Variants in TENM2 observed in about 807,000 individuals in gnomAD.
TENM2 encodes teneurin-2.
Under a neutral mutation model 245.2 loss-of-function variants are expected in TENM2, and 52 were observed. That is an observed-to-expected ratio of 0.21 (90% CI 0.17 to 0.27). The LOEUF is 0.27. Among genes scored for constraint, TENM2 ranks in the 10% least tolerant of loss-of-function variants. TENM2 has a pLI of 1.00. For missense variants in TENM2, 3,046 were observed against 3,666.8 expected (o/e 0.83, Z 4.37); for synonymous variants, 1,363 against 1,438.9 (o/e 0.95, Z 1.19).
intron 5 of TENM2, among the ~76,000 whole-genome samples, chr5:168,012,039 G>A (rs967552241): frequency 2.6e-4 from 40 of 152,284 alleles, no homozygotes; most frequent in Admixed American, 2.0e-4. Context: ...CAAAGCTCAC[G>A]TTCTCACCAC....
chr5:167,134,343 C>T, the TENM2 span, among the ~76,000 whole-genome samples: 2 of 152,128 alleles, frequency 1.3e-5, no homozygotes, highest in African/African-American at 4.8e-5. Flanking sequence ...TCACTTTATA[C>T]AATGAATTTT....
At chr5:167,878,438 TA>T (rs1472816574) in intron 3 of TENM2, among the ~76,000 whole-genome samples, 2 of 152,118 alleles carry the variant, frequency 1.3e-5, no homozygotes, top group East Asian at 3.9e-4. Flanking sequence ...AATTGTGCAA[TA>T]CCCTTGTTTT....
chr5:167,532,519 C>T (rs1006186763), intron 2 of TENM2, among the ~76,000 whole-genome samples: 3 of 151,858 alleles, frequency 2.0e-5, no homozygotes, highest in Admixed American at 1.3e-4. Context: ...TGCAGGGGAA[C>T]TCCCGTTTTT....
the TENM2 span, among the ~76,000 whole-genome samples, chr5:167,222,810 A>G: frequency 2.6e-5 from 4 of 152,336 alleles, no homozygotes; most frequent in East Asian, 7.7e-4. Flanking sequence ...TATTCTAAAA[A>G]CATTGCAAAA....
the TENM2 span, among the ~76,000 whole-genome samples, chr5:167,056,482 A>G: frequency 6.8e-6 from 1 of 146,086 alleles, no homozygotes; most frequent in Non-Finnish European, 1.5e-5. Flanking sequence ...TGTATTATAT[A>G]TATTATACAT....
chr5:167,952,672 C>G (rs372416876), exon 4 of TENM2: 1 of 1,613,014 alleles, frequency 6.2e-7, no homozygotes, highest in African/African-American at 1.3e-5. Flanking sequence ...CACCACTCGT[C>G]CGCCAACTCC....
chr5:167,749,227 A>T (rs541021208), intron 2 of TENM2, among the ~76,000 whole-genome samples: 1 of 152,342 alleles, frequency 6.6e-6, no homozygotes, highest in African/African-American at 2.4e-5. Flanking sequence ...CTAAGAACGG[A>T]TATGAACAGA....
At chr5:167,267,498 G>A in the TENM2 span, among the ~76,000 whole-genome samples, 2 of 151,986 alleles carry the variant, frequency 1.3e-5, no homozygotes, top group East Asian at 1.9e-4. Flanking sequence ...GCTTTGGGAG[G>A]GAATATTCCC....
At chr5:167,858,572 C>G (rs532375857) in intron 2 of TENM2, among the ~76,000 whole-genome samples, 1 of 151,964 alleles carries the variant, frequency 6.6e-6, no homozygotes, top group Non-Finnish European at 1.5e-5. Flanking sequence ...GGGCTGGGGT[C>G]GGTGGCTTAG....
At position 167,474,047 on chromosome 5, in the gene TENM2, T is replaced by C. The variant is rs1199846794; in HGVS notation, c.502+98574T>C. Among the ~76,000 whole-genome samples, 6 of 152,278 alleles carry C rather than the reference T, an allele frequency of 3.9e-5. No homozygotes were observed. The East Asian group carries it at 9.7e-4, about 24-fold the overall frequency. On this transcript the variant is annotated intron_variant, in intron 2 of 28. Coordinates refer to ENST00000518659, the Ensembl canonical transcript of TENM2. ...GGATTTATGGATTAGATTAAAAATCTAATCTAACCTAAAAATAAAGCTATT... is the reference window on the plus strand; with the variant it reads ...GGATTTATGGATTAGATTAAAAATCCAATCTAACCTAAAAATAAAGCTATT...
the TENM2 span, among the ~76,000 whole-genome samples, chr5:167,118,554 A>G: frequency 6.6e-6 from 1 of 152,200 alleles, no homozygotes; most frequent in South Asian, 2.1e-4. Flanking sequence ...AGAAATGGAA[A>G]ATTAGTATTT....
chr5:167,165,636 G>C, the TENM2 span, among the ~76,000 whole-genome samples: 3,947 of 152,130 alleles, frequency 0.026, 193 homozygotes, highest in African/African-American at 0.089. Context: ...GACCATAAAA[G>C]ATCAAGCTAT....
At chr5:167,663,609 T>C (rs968561768) in intron 2 of TENM2, among the ~76,000 whole-genome samples, 1 of 152,166 alleles carries the variant, frequency 6.6e-6, no homozygotes, top group African/African-American at 2.4e-5. Flanking sequence ...AGGATTCAGA[T>C]TACTGTCCCA....
chr5:167,743,467 G>A (rs17432815), intron 2 of TENM2, among the ~76,000 whole-genome samples: 12,110 of 152,044 alleles, frequency 0.08, 608 homozygotes, highest in African/African-American at 0.14. Flanking sequence ...GTAACTATTC[G>A]AACCGACAAA....
the TENM2 span, among the ~76,000 whole-genome samples, chr5:167,082,449 A>G: frequency 5.3e-5 from 8 of 151,928 alleles, no homozygotes; most frequent in African/African-American, 1.7e-4. Flanking sequence ...AGGCTCAGCT[A>G]ATTTTTTTTG....
At chr5:167,498,735 A>AG (rs1284950790) in intron 2 of TENM2, among the ~76,000 whole-genome samples, 1 of 151,990 alleles carries the variant, frequency 6.6e-6, no homozygotes, top group East Asian at 1.9e-4. Flanking sequence ...ACATGAATTA[A>AG]GAAAAAAAAA....
intron 2 of TENM2, among the ~76,000 whole-genome samples, chr5:167,408,941 AAT>A (rs57319231): frequency 0.085 from 12,429 of 146,324 alleles, 1,272 homozygotes; most frequent in African/African-American, 0.25. Flanking sequence ...TCCCAAATCT[AAT>A]ATATATATAT....
At chr5:167,748,371 AT>A (rs1196828641) in intron 2 of TENM2, among the ~76,000 whole-genome samples, 5 of 63,242 alleles carry the variant, frequency 7.9e-5, no homozygotes, top group South Asian at 8.8e-4. Context: ...AATAAGAATG[AT>A]TTTTTTTAGA....
At chr5:167,887,788 G>T (rs1774408621) in intron 3 of TENM2, among the ~76,000 whole-genome samples, 1 of 152,150 alleles carries the variant, frequency 6.6e-6, no homozygotes, top group Non-Finnish European at 1.5e-5. Flanking sequence ...CACGAACTAG[G>T]TGGCTGAAAA....
Sources: allele counts gnomAD v4.1 joint callset (sites outside exome capture counted in the v4.1 genomes callset), GRCh38; gene constraint gnomAD v4.1.1; transcripts MANE v1.5; gene names NCBI Gene and HGNC (gene_info 2026-07-23, HGNC 2026-07-21).